The following ZEB1 variants were observed in gnomAD, a reference collection of about 807,000 sequenced individuals.
The protein encoded by ZEB1 is zinc finger E-box binding homeobox 1, also known as zinc finger E-box-binding homeobox 1.
A neutral mutation model predicts 84.9 loss-of-function variants in ZEB1; 21 were observed. That is an observed-to-expected ratio of 0.25 (90% CI 0.18 to 0.36). The LOEUF (loss-of-function observed/expected upper bound fraction) is 0.36. Ranked by LOEUF, ZEB1 falls within the 10% of genes least tolerant of loss-of-function variation. The pLI, the probability that ZEB1 is intolerant of heterozygous loss-of-function variation, is 1.00. For synonymous variants in ZEB1, 420 were observed against 471.1 expected, an observed-to-expected ratio of 0.89 and a Z score of 1.41; for missense variants, 1,104 against 1,330.2, an observed-to-expected ratio of 0.83 and a Z score of 2.65.
intron 1 of ZEB1, among the ~76,000 whole-genome samples, chr10:31,382,749 T>G (rs1367588934): frequency 6.6e-6 from 1 of 152,074 alleles, no homozygotes; most frequent in Non-Finnish European, 1.5e-5. Context: ...AATAGAAAAT[T>G]GTGGAAACTA....
intron 1 of ZEB1, among the ~76,000 whole-genome samples, chr10:31,362,410 G>A (rs556446993): frequency 2.0e-5 from 3 of 150,616 alleles, no homozygotes; most frequent in East Asian, 2.0e-4. Context: ...GTGTAGGGGG[G>A]CCGGGCAGAG....
chr10:31,384,166 G>T (rs535743523), intron 1 of ZEB1, among the ~76,000 whole-genome samples: 3 of 151,648 alleles, frequency 2.0e-5, no homozygotes, highest in Non-Finnish European at 4.4e-5. Flanking sequence ...AGTAGAGACG[G>T]GGTTTCTCCA....
At chr10:31,325,507 C>CATGGAGGTGAGGT (rs749146837) in intron 1 of ZEB1, among the ~76,000 whole-genome samples, 2 of 152,006 alleles carry the variant, frequency 1.3e-5, no homozygotes, top group Non-Finnish European at 2.9e-5. Flanking sequence ...AGACTTGGTA[C>CATGGAGGTGAGGT]ATGGAGGTTG....
At chr10:31,410,692 G>T (rs541815624) in intron 1 of ZEB1, among the ~76,000 whole-genome samples, 9 of 152,200 alleles carry the variant, frequency 5.9e-5, no homozygotes, top group Admixed American at 5.9e-4. Flanking sequence ...ACTTGTTATT[G>T]GTCTATTCAG....
At chr10:31,345,332 C>A (rs554646064) in intron 1 of ZEB1, among the ~76,000 whole-genome samples, 1 of 151,988 alleles carries the variant, frequency 6.6e-6, no homozygotes, top group East Asian at 1.9e-4. Context: ...TGTAATAAAT[C>A]CTATTAAACC....
intron 1 of ZEB1, among the ~76,000 whole-genome samples, chr10:31,323,019 G>T (rs2034528539): frequency 6.6e-6 from 1 of 152,022 alleles, no homozygotes; most frequent in South Asian, 2.1e-4. Context: ...TTAGGCATAA[G>T]CATTTTCTAG....
intron 1 of ZEB1, among the ~76,000 whole-genome samples, chr10:31,376,413 T>A (rs2046631418): frequency 6.6e-6 from 1 of 151,832 alleles, no homozygotes; most frequent in Admixed American, 6.6e-5. Flanking sequence ...ATTATTTGTA[T>A]AACTTATTTA....
intron 1 of ZEB1, among the ~76,000 whole-genome samples, chr10:31,323,530 C>A (rs1428759425): frequency 2.0e-5 from 3 of 151,992 alleles, no homozygotes; most frequent in Admixed American, 6.6e-5. Context: ...AGCCCTCCCC[C>A]ACCTTTTTAG....
chr10:31,394,373 CA>C (rs2050311717), intron 1 of ZEB1, among the ~76,000 whole-genome samples: 1 of 152,138 alleles, frequency 6.6e-6, no homozygotes, highest in African/African-American at 2.4e-5. Context: ...CATTGACGCT[CA>C]GATTTTTTTT....
chr10:31,434,928 C>T (rs542819676), intron 1 of ZEB1, among the ~76,000 whole-genome samples: 1 of 152,168 alleles, frequency 6.6e-6, no homozygotes, highest in South Asian at 2.1e-4. Flanking sequence ...ATGTCCTTGC[C>T]CTCATGGAGC....
chr10:31,337,357 T>TA (rs1000256817), intron 1 of ZEB1, among the ~76,000 whole-genome samples: 15 of 150,824 alleles, frequency 9.9e-5, no homozygotes, highest in Non-Finnish European at 1.6e-4. Context: ...AATGTGTGTT[T>TA]AAAAAAAAAC....
At chr10:31,441,628 G>C (rs1018104795) in intron 1 of ZEB1, among the ~76,000 whole-genome samples, 2 of 151,432 alleles carry the variant, frequency 1.3e-5, no homozygotes, top group Non-Finnish European at 3.0e-5. Context: ...GCAACCTACA[G>C]AATGGGAAAA....
At chr10:31,495,674 T>C (rs2067123036) in intron 2 of ZEB1, 102 bp from the exon 3 acceptor site, 1 of 1,151,236 alleles carries the variant, frequency 8.7e-7, no homozygotes, top group Non-Finnish European at 1.3e-6. Flanking sequence ...CAATGTGTAA[T>C]GATCAGATCA....
At chr10:31,525,977 G>C (rs1162675419) in intron 8 of ZEB1, among the ~76,000 whole-genome samples, 1 of 152,138 alleles carries the variant, frequency 6.6e-6, no homozygotes, top group Non-Finnish European at 1.5e-5. Context: ...CTGCTTGATA[G>C]CTCTGAAATT....
At chr10:31,509,542 A>C (rs2069592791) in intron 4 of ZEB1, among the ~76,000 whole-genome samples, 2 of 152,296 alleles carry the variant, frequency 1.3e-5, no homozygotes, top group South Asian at 2.1e-4. Flanking sequence ...AGATGCCTCT[A>C]TTCAGCCATC....
chr10:31,458,148 G>T (rs777480746), intron 1 of ZEB1, among the ~76,000 whole-genome samples: 2 of 152,096 alleles, frequency 1.3e-5, no homozygotes, highest in Non-Finnish European at 2.9e-5. Context: ...GTGGAGTATA[G>T]AATTGATTAA....
chr10:31,444,422 A>T (rs867303174), intron 1 of ZEB1, among the ~76,000 whole-genome samples: 1,924 of 151,900 alleles, frequency 0.013, 31 homozygotes, highest in African/African-American at 0.044. Context: ...GTTTAATGAG[A>T]TCCCATTTGT....
At chr10:31,512,819 A>G (rs981208418) in intron 5 of ZEB1, among the ~76,000 whole-genome samples, 5 of 152,166 alleles carry the variant, frequency 3.3e-5, no homozygotes, top group African/African-American at 1.2e-4. Flanking sequence ...TGAGAATGGG[A>G]TATCTGAATA....
At chr10:31,430,023 G>A (rs2057519088) in intron 1 of ZEB1, among the ~76,000 whole-genome samples, 1 of 152,096 alleles carries the variant, frequency 6.6e-6, no homozygotes, top group African/African-American at 2.4e-5. Context: ...TTACAGGCGT[G>A]AGCCACCACG....
Sources: allele counts gnomAD v4.1 joint callset (sites outside exome capture counted in the v4.1 genomes callset), GRCh38; gene constraint gnomAD v4.1.1; transcripts MANE v1.5; gene names NCBI Gene and HGNC (gene_info 2026-07-23, HGNC 2026-07-21).